Variants in SHLD1 observed in about 807,000 individuals in gnomAD.
SHLD1 encodes the protein RINN1-REV7-interacting novel NHEJ regulator 3.
In SHLD1, 3 loss-of-function variants were observed where a neutral mutation model predicts 5.5. That is an observed-to-expected ratio of 0.54 (90% confidence interval 0.25 to 1.40). The LOEUF (loss-of-function observed/expected upper bound fraction) is 1.40, where lower values mean the gene tolerates loss of function less well. Ranked by LOEUF, SHLD1 falls within the 40% of genes most tolerant of loss-of-function variation. SHLD1 has a pLI of 0.15. For synonymous variants in SHLD1, 92 were observed against 94.3 expected (o/e 0.98, Z 0.14); for missense variants, 210 against 244.4 (o/e 0.86, Z 0.94).
In SHLD1 at chr20:5,806,425, A is replaced by C. The variant is rs145924833; in HGVS notation, c.178+33382A>C. 5.3e-3 allele frequency among the ~76,000 whole-genome samples: 809 copies of C among 152,294 alleles called. 27 individuals carry two copies. The highest frequency in any genetic ancestry group is 0.048 in the Admixed American group (735 of 15,292). ...CCATCCTTTGTGATGGTTTTGAAGC[A>C]CTGATCATTTTCCTGTATTACTGTG... is the stretch of plus-strand genomic sequence containing the variant. On this transcript the variant is annotated intron_variant, in intron 2 of 2. Coordinates refer to ENST00000303142, the MANE Select transcript of SHLD1 (RefSeq NM_152504.4). This position sits in a 1 kb window ranked among gnomAD's most constrained non-coding sequence, Gnocchi z 7.6.
At chr20:5,834,067 A>C (rs1418123262) in intron 2 of SHLD1, among the ~76,000 whole-genome samples, 1 of 152,184 alleles carries the variant, frequency 6.6e-6, no homozygotes, top group African/African-American at 2.4e-5. Flanking sequence ...ATATCTGCCT[A>C]CTTTGTAGAT....
chr20:5,834,778 A>G (rs991486168), intron 2 of SHLD1, among the ~76,000 whole-genome samples: 13 of 152,336 alleles, frequency 8.5e-5, no homozygotes, highest in South Asian at 6.2e-4. Flanking sequence ...TTACAGTTCT[A>G]GAGGCTGGGA....
intron 1 of SHLD1, among the ~76,000 whole-genome samples, chr20:5,752,192 T>TC (rs1175774244): frequency 6.6e-6 from 1 of 151,998 alleles, no homozygotes; most frequent in African/African-American, 2.4e-5. Flanking sequence ...GGTCAGGAGT[T>TC]CAAGACCAGC....
intron 2 of SHLD1, among the ~76,000 whole-genome samples, chr20:5,808,584 A>C (rs2087415685): frequency 6.6e-6 from 1 of 152,214 alleles, no homozygotes; most frequent in South Asian, 2.1e-4. Flanking sequence ...ATAGTATCCC[A>C]TTGTATGATT....
intron 2 of SHLD1, among the ~76,000 whole-genome samples, chr20:5,805,284 A>T (rs2087357419): frequency 6.6e-6 from 1 of 151,940 alleles, no homozygotes; most frequent in Admixed American, 6.5e-5. Flanking sequence ...CAGCCTCCCA[A>T]GTAGCTGGGA....
chr20:5,834,181 G>A (rs1465063699), intron 2 of SHLD1, among the ~76,000 whole-genome samples: 1 of 152,204 alleles, frequency 6.6e-6, no homozygotes. Context: ...GAGGCCGGGA[G>A]GGTGTCAGGA....
intron 2 of SHLD1, among the ~76,000 whole-genome samples, chr20:5,844,247 T>C (rs1287021): frequency 0.41 from 61,826 of 152,128 alleles, 14,981 homozygotes; most frequent in African/African-American, 0.68. Context: ...AGATCTTCTC[T>C]GCCTATTTTC....
At chr20:5,793,318 A>C (rs2087168303) in intron 2 of SHLD1, among the ~76,000 whole-genome samples, 1 of 152,084 alleles carries the variant, frequency 6.6e-6, no homozygotes, top group Non-Finnish European at 1.5e-5. Context: ...TGTGCATGTA[A>C]ATTTATGTAT....
intron 2 of SHLD1, among the ~76,000 whole-genome samples, chr20:5,778,551 G>A (rs1433816547): frequency 6.7e-6 from 1 of 149,778 alleles, no homozygotes; most frequent in African/African-American, 2.5e-5. Flanking sequence ...AGGTTGCAGT[G>A]AGCCATGATC....
chr20:5,847,040 G>A (rs73081251), intron 2 of SHLD1, among the ~76,000 whole-genome samples: 2,016 of 151,994 alleles, frequency 0.013, 19 homozygotes, highest in Middle Eastern at 0.041. Context: ...ATCATCACCA[G>A]CACTTGTTCT....
chr20:5,755,910 G>T (rs1329179729), intron 1 of SHLD1, among the ~76,000 whole-genome samples: 2 of 152,152 alleles, frequency 1.3e-5, no homozygotes, highest in East Asian at 3.8e-4. Flanking sequence ...TGGCTTTGCA[G>T]AGCCATTTCA....
chr20:5,857,511 T>A lies in SHLD1; in HGVS notation c.179-5513T>A, dbSNP rs181567619. ...TTAAATCCTGATACTTTTTCATTTT[T>A]AAAAACTTAAGTCTTGGTCAGGTGC... On this transcript the variant is annotated intron_variant, in intron 2 of 2. Transcript: ENST00000303142. Among the ~76,000 whole-genome samples, 356 of 152,256 alleles carry A rather than the reference T, an allele frequency of 2.3e-3. 1 individual carries two copies. The highest frequency in any genetic ancestry group is 8.2e-3 in the African/African-American group (339 of 41,550).
chr20:5,810,780 A>C (rs8115196), intron 2 of SHLD1, among the ~76,000 whole-genome samples: 2,421 of 151,738 alleles, frequency 0.016, 23 homozygotes, highest in African/African-American at 0.029. Flanking sequence ...CTGTAACTAC[A>C]TCCCAGCTAC....
At chr20:5,754,141 T>C (rs1365435204) in intron 1 of SHLD1, among the ~76,000 whole-genome samples, 1 of 152,144 alleles carries the variant, frequency 6.6e-6, no homozygotes, top group African/African-American at 2.4e-5. Flanking sequence ...GACAGGGTCT[T>C]GCTCTGTCAC....
At chr20:5,846,861 T>C (rs961494691) in intron 2 of SHLD1, among the ~76,000 whole-genome samples, 3 of 152,218 alleles carry the variant, frequency 2.0e-5, no homozygotes, top group African/African-American at 7.2e-5. Context: ...TATTTCTTTA[T>C]TGCAAAATGC....
intron 2 of SHLD1, among the ~76,000 whole-genome samples, chr20:5,775,922 G>GTTTTTTTTT: frequency 1.6e-5 from 1 of 63,478 alleles, no homozygotes; most frequent in African/African-American, 9.2e-5. Flanking sequence ...GTCAGCTCAG[G>GTTTTTTTTT]ATTTTTTTTT....
chr20:5,761,456 G>T (rs1194220524), intron 1 of SHLD1, among the ~76,000 whole-genome samples: 5 of 151,502 alleles, frequency 3.3e-5, no homozygotes, highest in African/African-American at 1.2e-4. Flanking sequence ...AAACAAAATG[G>T]CCCCTGGATG....
intron 2 of SHLD1, among the ~76,000 whole-genome samples, chr20:5,778,473 G>A (rs1453913312): frequency 6.6e-6 from 1 of 151,860 alleles, no homozygotes; most frequent in Admixed American, 6.6e-5. Context: ...CGGGTGTGGT[G>A]GTACACACCT....
chr20:5,756,044 T>C (rs920204777), intron 1 of SHLD1, among the ~76,000 whole-genome samples: 1 of 152,102 alleles, frequency 6.6e-6, no homozygotes, highest in Non-Finnish European at 1.5e-5. Context: ...AAGAATCTGT[T>C]TTGTCAGTCT....
Sources: allele counts gnomAD v4.1 joint callset (sites outside exome capture counted in the v4.1 genomes callset), GRCh38; gene constraint gnomAD v4.1.1; non-coding constraint Gnocchi (gnomAD v3.1); transcripts MANE v1.5; gene names NCBI Gene and HGNC (gene_info 2026-07-23, HGNC 2026-07-21).